LRP1B: variants seen among roughly 807,000 people sequenced by gnomAD.
LRP1B encodes low-density lipoprotein receptor-related protein 1B.
LRP1B carries 217 observed loss-of-function variants against 556.6 expected under a neutral mutation model. The ratio of observed to expected loss-of-function variants is 0.39; its 90% CI spans 0.35 to 0.44. LRP1B has a LOEUF of 0.44. Among genes scored for constraint, LRP1B ranks in the 20% least tolerant of loss-of-function variants. The pLI is 1.00. For missense variants in LRP1B, 5,053 were observed against 5,620.8 expected, an observed-to-expected ratio of 0.90 and a Z score of 3.23; for synonymous variants, 2,047 against 1,865.8, an observed-to-expected ratio of 1.10 and a Z score of -2.50.
chr2:142,126,342 C>G (rs1234204486), intron 1 of LRP1B, among the ~76,000 whole-genome samples: 1 of 151,328 alleles, frequency 6.6e-6, no homozygotes, highest in East Asian at 1.9e-4. Flanking sequence ...TAAAAACCAT[C>G]ACCAATTTTC....
intron 43 of LRP1B, among the ~76,000 whole-genome samples, chr2:140,548,212 C>G (rs144497004): frequency 6.6e-6 from 1 of 152,104 alleles, no homozygotes; most frequent in East Asian, 1.9e-4. Flanking sequence ...TGCAACTTGC[C>G]AACAGTGATA....
chr2:140,790,150 T>G (rs1410825798), intron 32 of LRP1B, among the ~76,000 whole-genome samples: 1 of 152,152 alleles, frequency 6.6e-6, no homozygotes, highest in Non-Finnish European at 1.5e-5. Flanking sequence ...GCAACCTCCA[T>G]GAAGGCGGGG....
intron 7 of LRP1B, among the ~76,000 whole-genome samples, chr2:141,073,428 T>C (rs1699699367): frequency 6.6e-6 from 1 of 152,052 alleles, no homozygotes; most frequent in South Asian, 2.1e-4. Flanking sequence ...TTTCTCCACC[T>C]CTTCTCTCTA....
intron 7 of LRP1B, among the ~76,000 whole-genome samples, chr2:141,146,173 T>A (rs1701781224): frequency 6.6e-6 from 1 of 151,634 alleles, no homozygotes; most frequent in South Asian, 2.1e-4. Flanking sequence ...GATCTGCTCA[T>A]CTCAGCTCCC....
At chr2:141,179,890 T>C (rs1680915159) in intron 7 of LRP1B, among the ~76,000 whole-genome samples, 1 of 128,236 alleles carries the variant, frequency 7.8e-6, no homozygotes, top group East Asian at 3.2e-4. Context: ...TGTTGGTTTT[T>C]CCTTTTTTTT....
intron 1 of LRP1B, among the ~76,000 whole-genome samples, chr2:142,120,636 A>G (rs1707426192): frequency 6.6e-6 from 1 of 152,216 alleles, no homozygotes; most frequent in Admixed American, 6.5e-5. Context: ...ATAAGTCTTC[A>G]TAGGCCAATG....
chr2:140,671,165 A>G (rs1257863268), intron 41 of LRP1B, among the ~76,000 whole-genome samples: 1 of 152,236 alleles, frequency 6.6e-6, no homozygotes, highest in Admixed American at 6.5e-5. Flanking sequence ...AATCTGTATC[A>G]TTGAGCTAAA....
At chr2:141,182,210 AAT>A (rs1681030931) in intron 7 of LRP1B, among the ~76,000 whole-genome samples, 1 of 152,058 alleles carries the variant, frequency 6.6e-6, no homozygotes, top group African/African-American at 2.4e-5. Flanking sequence ...ATACATAAAA[AAT>A]ATTTAGATAT....
At chr2:141,927,099 A>T (rs2104986229) in intron 1 of LRP1B, among the ~76,000 whole-genome samples, 1 of 152,254 alleles carries the variant, frequency 6.6e-6, no homozygotes, top group Middle Eastern at 3.4e-3. Context: ...CACCTTAAAT[A>T]CTATGTGGCA....
chr2:141,508,088 C>CCCA (rs1553523450), intron 2 of LRP1B, among the ~76,000 whole-genome samples: 1 of 149,204 alleles, frequency 6.7e-6, no homozygotes, highest in Non-Finnish European at 1.5e-5. Flanking sequence ...TCCATCCCCC[C>CCCA]CCCAAAAAAA....
chr2:140,576,194 C>T (rs368810102), intron 43 of LRP1B, among the ~76,000 whole-genome samples: 1 of 152,098 alleles, frequency 6.6e-6, no homozygotes. Context: ...TTCAAGCATT[C>T]GTGATACTAG....
intron 41 of LRP1B, among the ~76,000 whole-genome samples, chr2:140,663,130 G>C (rs1260155377): frequency 6.6e-6 from 1 of 152,094 alleles, no homozygotes; most frequent in African/African-American, 2.4e-5. Flanking sequence ...AAAAATACCT[G>C]TAACTTATCA....
intron 31 of LRP1B, among the ~76,000 whole-genome samples, chr2:140,830,541 T>C (rs1691679885): frequency 1.3e-5 from 2 of 152,004 alleles, no homozygotes; most frequent in Admixed American, 1.3e-4. Flanking sequence ...TTTTAAAAAA[T>C]TCAACATCCC....
chr2:140,991,394 T>C (rs1391423413), intron 16 of LRP1B, among the ~76,000 whole-genome samples: 9 of 152,154 alleles, frequency 5.9e-5, no homozygotes, highest in Non-Finnish European at 8.8e-5. Context: ...AAATTACCTA[T>C]GTAGTATTAG....
chr2:141,468,571 C>G (rs1682332135), intron 3 of LRP1B, among the ~76,000 whole-genome samples: 1 of 151,842 alleles, frequency 6.6e-6, no homozygotes, highest in African/African-American at 2.4e-5. Flanking sequence ...TTACATATAC[C>G]ATTTAGAATA....
chr2:141,842,762 C>T (rs1159231271), intron 1 of LRP1B, among the ~76,000 whole-genome samples: 1 of 152,070 alleles, frequency 6.6e-6, no homozygotes, highest in Non-Finnish European at 1.5e-5. Context: ...AAATATTTTA[C>T]AAAGTAATGT....
chr2:141,293,700 A>T (rs917896952), intron 3 of LRP1B, among the ~76,000 whole-genome samples: 21 of 151,964 alleles, frequency 1.4e-4, no homozygotes, highest in Non-Finnish European at 2.8e-4. Flanking sequence ...TAAATATCCA[A>T]ACCCAGAATA....
At chr2:140,689,289 G>A (rs1245819071) in intron 41 of LRP1B, among the ~76,000 whole-genome samples, 2 of 152,178 alleles carry the variant, frequency 1.3e-5, no homozygotes, top group African/African-American at 4.8e-5. Context: ...TCCATACACT[G>A]CTGAGTGTTC....
intron 31 of LRP1B, among the ~76,000 whole-genome samples, chr2:140,815,134 T>C (rs1199124473): frequency 4.7e-5 from 7 of 149,922 alleles, no homozygotes; most frequent in Non-Finnish European, 8.9e-5. Context: ...CACAAATAAT[T>C]CCTTCCCTTA....
Sources: gnomAD v4.1 joint callset for allele counts (sites outside exome capture counted in the v4.1 genomes callset) on GRCh38, gnomAD v4.1.1 for gene constraint, MANE v1.5 for transcripts, NCBI Gene and HGNC (gene_info 2026-07-23, HGNC 2026-07-21) for gene names.